Variants in CHN2 observed in about 807,000 individuals in gnomAD.
CHN2 encodes chimerin 2.
CHN2 carries 35 observed loss-of-function variants against 56.3 expected under a neutral mutation model. The observed-to-expected ratio is 0.62, with a 90% confidence interval of 0.47 to 0.82. The LOEUF (loss-of-function observed/expected upper bound fraction) is 0.82, where lower values mean the gene tolerates loss of function less well. Among genes scored for constraint, CHN2 ranks in the 40% least tolerant of loss-of-function variants. The pLI is 0.00. For synonymous variants in CHN2, 210 were observed against 212.8 expected, an observed-to-expected ratio of 0.99 and a Z score of 0.12; for missense variants, 491 against 580.5, an observed-to-expected ratio of 0.85 and a Z score of 1.58.
At chr7:29,340,183 G>A (rs767302433) in intron 1 of CHN2, among the ~76,000 whole-genome samples, 68 of 152,092 alleles carry the variant, frequency 4.5e-4, no homozygotes, top group Non-Finnish European at 8.5e-4. Flanking sequence ...GTTGAAGAAA[G>A]CAATATTTCT....
In CHN2 at chr7:29,199,226, A is replaced by G. The variant is rs145071854; in HGVS notation, c.49+4236A>G. ...AACCAGTAACGTAGATAAGTCTTCC[A>G]TATTTCTAGATGCAGGTGGCAAAAC... On this transcript the variant is annotated intron_variant, in intron 1 of 12. Coordinates refer to ENST00000222792, the MANE Select transcript of CHN2 (RefSeq NM_004067.4). Among the ~76,000 whole-genome samples, 10 of 152,370 alleles carry G rather than the reference A, an allele frequency of 6.6e-5. No homozygotes were observed. The East Asian group carries it at 1.5e-3, about 23-fold the overall frequency.
chr7:29,359,535 T>G (rs762157463), intron 2 of CHN2, among the ~76,000 whole-genome samples: 2 of 152,104 alleles, frequency 1.3e-5, no homozygotes, highest in Non-Finnish European at 2.9e-5. Flanking sequence ...GCCCTCTCTG[T>G]TCCTTTCCTT....
At chr7:29,456,235 C>T (rs1784742321) in intron 6 of CHN2, among the ~76,000 whole-genome samples, 1 of 152,286 alleles carries the variant, frequency 6.6e-6, no homozygotes, top group East Asian at 1.9e-4. Context: ...TTCACCCTGC[C>T]CCTGGAACAC....
chr7:29,228,408 G>A (rs1786392895), intron 1 of CHN2, among the ~76,000 whole-genome samples: 1 of 152,174 alleles, frequency 6.6e-6, no homozygotes, highest in African/African-American at 2.4e-5. Context: ...CAGGTTTGTA[G>A]CCTAGGAGCA....
chr7:29,299,238 T>C (rs1339199487), intron 1 of CHN2, among the ~76,000 whole-genome samples: 1 of 152,198 alleles, frequency 6.6e-6, no homozygotes, highest in Non-Finnish European at 1.5e-5. Context: ...CCCTTTCTAC[T>C]TGGCTGTCTT....
At chr7:29,409,886 C>T (rs958608151) in intron 6 of CHN2, among the ~76,000 whole-genome samples, 2 of 152,162 alleles carry the variant, frequency 1.3e-5, no homozygotes, top group African/African-American at 4.8e-5. Flanking sequence ...AATTGTCCCA[C>T]CACTTTTATC....
At chr7:29,315,348 T>C (rs1156628350) in intron 1 of CHN2, among the ~76,000 whole-genome samples, 3 of 152,242 alleles carry the variant, frequency 2.0e-5, no homozygotes, top group African/African-American at 7.2e-5. Flanking sequence ...ATTTCCCTTG[T>C]ATGATCCCAG....
At chr7:29,329,259 A>G (rs1796031276) in intron 1 of CHN2, among the ~76,000 whole-genome samples, 2 of 151,906 alleles carry the variant, frequency 1.3e-5, no homozygotes, top group South Asian at 4.2e-4. Context: ...TTTGCTATGC[A>G]CTACAGTGAA....
At chr7:29,270,709 T>C (rs1366308234) in intron 1 of CHN2, among the ~76,000 whole-genome samples, 4 of 152,076 alleles carry the variant, frequency 2.6e-5, no homozygotes, top group East Asian at 3.9e-4. Context: ...GTTTATTGAG[T>C]CATTTTTTAA....
At chr7:29,179,172 G>T (rs1299464004) in intron 2 of CHN2, among the ~76,000 whole-genome samples, 1 of 152,168 alleles carries the variant, frequency 6.6e-6, no homozygotes, top group Non-Finnish European at 1.5e-5. Flanking sequence ...TGGGCATAAG[G>T]CTTATTTGTG....
chr7:29,180,925 A>C (rs1181319741), intron 2 of CHN2, among the ~76,000 whole-genome samples: 1 of 152,218 alleles, frequency 6.6e-6, no homozygotes, highest in Non-Finnish European at 1.5e-5. Flanking sequence ...TCATACATAA[A>C]CAACTCTTGG....
intron 6 of CHN2, among the ~76,000 whole-genome samples, chr7:29,468,150 C>T (rs55830962): frequency 2.1e-4 from 20 of 97,250 alleles, no homozygotes; most frequent in South Asian, 5.2e-4. Context: ...GCCCCCCCCC[C>T]CCCCCGCCCG....
At chr7:29,258,598 T>G (rs1465630685) in intron 1 of CHN2, among the ~76,000 whole-genome samples, 1 of 152,208 alleles carries the variant, frequency 6.6e-6, no homozygotes, top group Admixed American at 6.5e-5. Flanking sequence ...TACTACTAAT[T>G]TGACACTTCT....
chr7:29,368,780 C>T (rs1161696459), intron 3 of CHN2, among the ~76,000 whole-genome samples: 1 of 152,116 alleles, frequency 6.6e-6, no homozygotes. Flanking sequence ...GACTTAGGTA[C>T]CTGCATACCC....
At chr7:29,473,691 G>C (rs148699583) in intron 6 of CHN2, among the ~76,000 whole-genome samples, 3 of 152,064 alleles carry the variant, frequency 2.0e-5, no homozygotes, top group African/African-American at 4.8e-5. Context: ...GTTTTAAGAA[G>C]CCCTCCGGGG....
intron 6 of CHN2, among the ~76,000 whole-genome samples, chr7:29,428,370 G>A (rs560603309): frequency 6.6e-6 from 1 of 152,154 alleles, no homozygotes; most frequent in South Asian, 2.1e-4. Flanking sequence ...TGGTCCAATG[G>A]GGATGTTTCT....
intron 1 of CHN2, among the ~76,000 whole-genome samples, chr7:29,299,829 C>A (rs1024154753): frequency 2.0e-5 from 3 of 152,114 alleles, no homozygotes; most frequent in African/African-American, 7.2e-5. Flanking sequence ...AACAAGTAGA[C>A]AACTGTCCAT....
At chr7:29,310,005 A>C (rs1034421003) in intron 1 of CHN2, among the ~76,000 whole-genome samples, 2 of 152,166 alleles carry the variant, frequency 1.3e-5, no homozygotes, top group African/African-American at 4.8e-5. Flanking sequence ...TCTGTCTCTC[A>C]TGGGGCAGGC....
At chr7:29,443,449 G>A (rs949354111) in intron 6 of CHN2, among the ~76,000 whole-genome samples, 2 of 152,306 alleles carry the variant, frequency 1.3e-5, no homozygotes, top group Admixed American at 6.5e-5. Flanking sequence ...TTCGCACAAT[G>A]ACAGAATCAC....
Sources: gnomAD v4.1 joint callset for allele counts (sites outside exome capture counted in the v4.1 genomes callset) on GRCh38, gnomAD v4.1.1 for gene constraint, MANE v1.5 for transcripts, NCBI Gene and HGNC (gene_info 2026-07-23, HGNC 2026-07-21) for gene names.